HS3ST4: variants seen among roughly 807,000 people sequenced by gnomAD.
The protein encoded by HS3ST4 is heparan sulfate-glucosamine 3-sulfotransferase 4.
A neutral mutation model predicts 29.2 loss-of-function variants in HS3ST4; 17 were observed. The ratio of observed to expected loss-of-function variants is 0.58; its 90% CI spans 0.40 to 0.87. The LOEUF is 0.87. Among genes scored for constraint, HS3ST4 ranks in the 40% least tolerant of loss-of-function variants. HS3ST4 has a pLI of 0.00. For synonymous variants in HS3ST4, 314 were observed against 285.7 expected, an observed-to-expected ratio of 1.10 and a Z score of -1.00; for missense variants, 627 against 634.5, an observed-to-expected ratio of 0.99 and a Z score of 0.13.
At chr16:26,002,747 GAGAA>G (rs1431540331) in intron 1 of HS3ST4, among the ~76,000 whole-genome samples, 37 of 147,632 alleles carry the variant, frequency 2.5e-4, no homozygotes, top group East Asian at 5.9e-4. Context: ...GAGGGAAAGA[GAGAA>G]AGAAAGAAAG....
chr16:25,764,296 T>C (rs930949895), intron 1 of HS3ST4, among the ~76,000 whole-genome samples: 21 of 152,164 alleles, frequency 1.4e-4, no homozygotes. Flanking sequence ...AGAAAGGGCA[T>C]ATTTGCACCT....
At chr16:25,952,099 C>T (rs7500724) in intron 1 of HS3ST4, among the ~76,000 whole-genome samples, 23,698 of 152,080 alleles carry the variant, frequency 0.16, 3,357 homozygotes, top group African/African-American at 0.38. Flanking sequence ...TCATGCCCAA[C>T]TGTTTATGTA....
chr16:25,867,598 A>C (rs1396056556), intron 1 of HS3ST4, among the ~76,000 whole-genome samples: 1 of 152,178 alleles, frequency 6.6e-6, no homozygotes, highest in Non-Finnish European at 1.5e-5. Flanking sequence ...ACACATGCAC[A>C]CACACACACA....
intron 1 of HS3ST4, among the ~76,000 whole-genome samples, chr16:25,733,249 T>G (rs1454308021): frequency 6.6e-6 from 1 of 152,222 alleles, no homozygotes; most frequent in East Asian, 1.9e-4. Context: ...TGGTTATTAT[T>G]TATCGGAATA....
At chr16:26,029,235 G>C (rs1323139870) in intron 1 of HS3ST4, among the ~76,000 whole-genome samples, 1 of 152,136 alleles carries the variant, frequency 6.6e-6, no homozygotes, top group Admixed American at 6.5e-5. Context: ...ATGATGCTGT[G>C]GTAGCTCAGG....
intron 1 of HS3ST4, among the ~76,000 whole-genome samples, chr16:25,903,775 T>C (rs1020358772): frequency 5.3e-5 from 8 of 150,126 alleles, no homozygotes; most frequent in South Asian, 2.1e-4. Context: ...GCTTCCATAC[T>C]CCCCTCCCAC....
intron 1 of HS3ST4, among the ~76,000 whole-genome samples, chr16:25,773,835 A>G (rs572822772): frequency 3.9e-5 from 6 of 152,072 alleles, no homozygotes; most frequent in Non-Finnish European, 8.8e-5. Context: ...TGTCGATTAT[A>G]CTACTCTGTA....
In HS3ST4 at chr16:25,824,342, T is replaced by C. The variant is rs533401676; in HGVS notation, c.734+131191T>C. On this transcript the variant is annotated intron_variant, in intron 1 of 1. Transcript: ENST00000331351. ...CTCCCAGTTGCCATGTGTATTGGTCTGTTCTCACCCTGCTAATAAAGACAT... is the reference window on the plus strand; with the variant it reads ...CTCCCAGTTGCCATGTGTATTGGTCCGTTCTCACCCTGCTAATAAAGACAT... Among the ~76,000 whole-genome samples the C allele has an allele frequency of 4.9e-4, 75 of 152,342 alleles. 1 individual carries two copies. The highest frequency in any genetic ancestry group is 1.5e-3 in the African/African-American group (63 of 41,580).
intron 1 of HS3ST4, among the ~76,000 whole-genome samples, chr16:25,976,178 C>T: frequency 6.6e-6 from 1 of 152,066 alleles, no homozygotes; most frequent in Non-Finnish European, 1.5e-5. Flanking sequence ...AAACGTGATC[C>T]CGTATATGAC....
At chr16:26,120,706 C>T (rs1291080256) in intron 1 of HS3ST4, among the ~76,000 whole-genome samples, 3 of 152,194 alleles carry the variant, frequency 2.0e-5, no homozygotes, top group Non-Finnish European at 4.4e-5. Context: ...GCATGATTGA[C>T]CCCAGCAACG....
At chr16:26,108,875 T>G (rs1050598215) in intron 1 of HS3ST4, among the ~76,000 whole-genome samples, 2 of 152,096 alleles carry the variant, frequency 1.3e-5, no homozygotes, top group African/African-American at 4.8e-5. Flanking sequence ...CCTTAGCAAA[T>G]GAATGAATAA....
intron 1 of HS3ST4, among the ~76,000 whole-genome samples, chr16:26,120,200 A>G (rs981033204): frequency 6.6e-6 from 1 of 152,088 alleles, no homozygotes; most frequent in African/African-American, 2.4e-5. Flanking sequence ...CACAAGGTGT[A>G]TGCATCTCTC....
chr16:25,915,926 C>T (rs72782508), intron 1 of HS3ST4, among the ~76,000 whole-genome samples: 12,288 of 152,174 alleles, frequency 0.081, 631 homozygotes, highest in South Asian at 0.14. Flanking sequence ...AAGTGAAATA[C>T]GGCATGTTAA....
chr16:25,830,719 CTTT>C (rs749231059), intron 1 of HS3ST4, among the ~76,000 whole-genome samples: 3 of 145,460 alleles, frequency 2.1e-5, no homozygotes, highest in Non-Finnish European at 1.5e-5. Flanking sequence ...CAATCCATGT[CTTT>C]TTTTTTTTTT....
intron 1 of HS3ST4, among the ~76,000 whole-genome samples, chr16:25,832,098 C>A (rs1033101362): frequency 1.3e-5 from 2 of 152,018 alleles, no homozygotes; most frequent in African/African-American, 2.4e-5. Flanking sequence ...CAGAGTGAGA[C>A]CCTGTTGCAA....
At chr16:25,895,728 G>A (rs1036556985) in intron 1 of HS3ST4, among the ~76,000 whole-genome samples, 1 of 134,008 alleles carries the variant, frequency 7.5e-6, no homozygotes, top group Non-Finnish European at 1.6e-5. Flanking sequence ...ACACAGCAGA[G>A]GGAAAGAGGG....
intron 1 of HS3ST4, among the ~76,000 whole-genome samples, chr16:26,109,361 G>A (rs1184967745): frequency 1.3e-5 from 2 of 152,116 alleles, no homozygotes; most frequent in African/African-American, 2.4e-5. Context: ...CGTGAGTCTC[G>A]ATTACAGGCA....
chr16:25,721,885 C>G (rs138582454), intron 1 of HS3ST4, among the ~76,000 whole-genome samples: 91 of 152,300 alleles, frequency 6.0e-4, no homozygotes, highest in African/African-American at 2.1e-3. Flanking sequence ...GATTCAAATG[C>G]ATATTTATGC....
chr16:25,901,125 C>G (rs1384266623), intron 1 of HS3ST4, among the ~76,000 whole-genome samples: 3 of 152,154 alleles, frequency 2.0e-5, no homozygotes, highest in Non-Finnish European at 4.4e-5. Flanking sequence ...CTAGTAGTTA[C>G]TCTCTCATCT....
Sources: allele counts gnomAD v4.1 joint callset (sites outside exome capture counted in the v4.1 genomes callset), GRCh38; gene constraint gnomAD v4.1.1; transcripts MANE v1.5; gene names NCBI Gene and HGNC (gene_info 2026-07-23, HGNC 2026-07-21).